The following GRM1 variants were observed in gnomAD, a reference collection of about 807,000 sequenced individuals.
The protein encoded by GRM1 is glutamate metabotropic receptor 1, also known as metabotropic glutamate receptor 1.
Under a neutral mutation model 90.9 loss-of-function variants are expected in GRM1, and 33 were observed. The observed-to-expected ratio is 0.36, with a 90% CI of 0.28 to 0.49. GRM1 has a LOEUF of 0.49. GRM1 is among the 20% of genes least tolerant of loss of function. GRM1 has a pLI of 0.99. For synonymous variants in GRM1, 700 were observed against 613.2 expected (o/e 1.14, Z -2.09); for missense variants, 1,190 against 1,534.3 (o/e 0.78, Z 3.75).
intron 1 of GRM1, among the ~76,000 whole-genome samples, chr6:146,095,344 T>C (rs1776842581): frequency 6.6e-6 from 1 of 152,118 alleles, no homozygotes; most frequent in African/African-American, 2.4e-5. Context: ...AACCAACATA[T>C]CTGTGCTCAT....
At chr6:146,430,615 T>C (rs1029991044) in intron 7 of GRM1, among the ~76,000 whole-genome samples, 3 of 152,236 alleles carry the variant, frequency 2.0e-5, no homozygotes, top group Non-Finnish European at 4.4e-5. Flanking sequence ...ATAAATGTCA[T>C]ATTGCAGGAT....
chr6:146,362,443 G>A (rs1055110533), intron 5 of GRM1, among the ~76,000 whole-genome samples: 3 of 152,074 alleles, frequency 2.0e-5, no homozygotes, highest in Non-Finnish European at 2.9e-5. Flanking sequence ...ACTTGGGGAG[G>A]CTGAGACAGG....
At chr6:146,341,713 T>C (rs1323383201) in intron 3 of GRM1, among the ~76,000 whole-genome samples, 3 of 152,212 alleles carry the variant, frequency 2.0e-5, no homozygotes, top group Non-Finnish European at 4.4e-5. Context: ...ACTCCGTATG[T>C]TCCTCAATCA....
Position 146,170,260 on chromosome 6 carries a change from A to T in GRM1, c.950+10663A>T, listed in dbSNP as rs113494413. ...GCTGAGCCTTAATCTTCTTGTGTTT[A>T]TCTTACTTAGAGTTCATTCTTGCAT... On this transcript the variant is annotated intron_variant, in intron 2 of 7. Transcript: ENST00000282753. Among the ~76,000 whole-genome samples, 1,478 of 152,152 alleles carry T rather than the reference A, an allele frequency of 9.7e-3. 14 individuals are homozygous for T. Among genetic ancestry groups the T allele is most frequent in the African/African-American group, 0.034 (1,423 of 41,518 alleles).
At chr6:146,077,810 G>A (rs968714934) in intron 1 of GRM1, among the ~76,000 whole-genome samples, 8 of 152,122 alleles carry the variant, frequency 5.3e-5, no homozygotes, top group Non-Finnish European at 1.0e-4. Flanking sequence ...TGGGCATAGA[G>A]GTAATTCTCT....
At chr6:146,298,841 C>G (rs747688780) in intron 2 of GRM1, among the ~76,000 whole-genome samples, 3 of 152,170 alleles carry the variant, frequency 2.0e-5, no homozygotes, top group Non-Finnish European at 2.9e-5. Flanking sequence ...AAAATGTCAT[C>G]TTCACTTCCT....
In GRM1 at chr6:146,436,842, T is replaced by C. The variant is rs1778609039; in HGVS notation, c.*2046T>C. 1 of 152,666 alleles carries C rather than the reference T, an allele frequency of 6.6e-6. No individual in the cohort carries two copies. Among genetic ancestry groups the C allele is most frequent in the Non-Finnish European group, 1.5e-5 (1 of 68,032 alleles). The allele number at this position is 152,666 out of a possible 1,614,324, so 9.5% of individuals were successfully genotyped here. On this transcript the variant is annotated 3_prime_UTR_variant, in exon 8 of 8. Transcript: ENST00000282753. ...GCTGATTTCTCAGCCAAAAATCATC[T>C]TAGAATCTTTAAATATCCATTGCAT...
intron 2 of GRM1, among the ~76,000 whole-genome samples, chr6:146,301,489 A>C (rs4896867): frequency 0.037 from 5,648 of 152,314 alleles, 130 homozygotes; most frequent in Admixed American, 0.052. Context: ...GCACATGAAC[A>C]TCACAGCAAG....
At chr6:146,209,218 A>G (rs757200983) in intron 2 of GRM1, among the ~76,000 whole-genome samples, 1 of 152,144 alleles carries the variant, frequency 6.6e-6, no homozygotes, top group Non-Finnish European at 1.5e-5. Flanking sequence ...TGTTGCAGGT[A>G]ACAGATATTT....
At chr6:146,297,298 C>T (rs1461124698) in intron 2 of GRM1, among the ~76,000 whole-genome samples, 4 of 151,880 alleles carry the variant, frequency 2.6e-5, no homozygotes, top group Admixed American at 6.6e-5. Flanking sequence ...GTAGATGGGA[C>T]TACAGGCGCG....
At chr6:146,322,208 G>C (rs1025545759) in intron 3 of GRM1, among the ~76,000 whole-genome samples, 3 of 152,196 alleles carry the variant, frequency 2.0e-5, no homozygotes, top group Non-Finnish European at 2.9e-5. Context: ...GACCCTGTTT[G>C]CCTGGGTATT....
rs920635712 is a variant in GRM1, at chr6:146,378,671, A to G, written c.1603-8219A>G. Among the ~76,000 whole-genome samples, 3 of 152,160 alleles carry G rather than the reference A, an allele frequency of 2.0e-5. No individual in the cohort carries two copies. In the East Asian group the frequency reaches 5.8e-4, roughly 29 times the overall value. On this transcript the variant is annotated intron_variant, in intron 5 of 7. Transcript: ENST00000282753. Reference sequence around the variant, plus strand: ...TGCTTTTGATTTTACAGGCTTATAGATGCAAGAGACTTGCCTTGTCTCAGA... The same window carrying G: ...TGCTTTTGATTTTACAGGCTTATAGGTGCAAGAGACTTGCCTTGTCTCAGA...
chr6:146,360,605 T>C (rs182041000), intron 5 of GRM1, among the ~76,000 whole-genome samples: 1 of 152,248 alleles, frequency 6.6e-6, no homozygotes, highest in East Asian at 1.9e-4. Context: ...CTACTACCTC[T>C]GAGCTATCCC....
chr6:146,382,421 A>C (rs1039979547), intron 5 of GRM1, among the ~76,000 whole-genome samples: 13 of 152,064 alleles, frequency 8.5e-5, no homozygotes, highest in African/African-American at 3.1e-4. Context: ...ATAAAATATC[A>C]ACTATATTTT....
chr6:146,057,301 A>G (rs188789743), intron 1 of GRM1, among the ~76,000 whole-genome samples: 1 of 152,226 alleles, frequency 6.6e-6, no homozygotes, highest in East Asian at 1.9e-4. Context: ...CAAATACGAT[A>G]AATGCCTCTA....
At chr6:146,280,140 C>A (rs1782514611) in intron 2 of GRM1, among the ~76,000 whole-genome samples, 1 of 151,808 alleles carries the variant, frequency 6.6e-6, no homozygotes, top group Non-Finnish European at 1.5e-5. Flanking sequence ...TTTCTGCCAC[C>A]CTGAACTATG....
At chr6:146,239,547 GA>G (rs901965779) in intron 2 of GRM1, among the ~76,000 whole-genome samples, 2 of 151,612 alleles carry the variant, frequency 1.3e-5, no homozygotes, top group African/African-American at 2.4e-5. Context: ...ACGGATGCAT[GA>G]AAAAAAATGA....
At chr6:146,410,046 C>A (rs1340255621) in intron 7 of GRM1, among the ~76,000 whole-genome samples, 21 of 152,142 alleles carry the variant, frequency 1.4e-4, no homozygotes, top group Admixed American at 1.3e-3. Context: ...TCCACTTGAT[C>A]AAACTTCATA....
chr6:146,323,831 C>G, intron 3 of GRM1, among the ~76,000 whole-genome samples: 1 of 152,166 alleles, frequency 6.6e-6, no homozygotes, highest in Non-Finnish European at 1.5e-5. Context: ...TTTCCCAGCA[C>G]CATTTGTTAA....
Sources: gnomAD v4.1 joint callset for allele counts (sites outside exome capture counted in the v4.1 genomes callset) on GRCh38, gnomAD v4.1.1 for gene constraint, MANE v1.5 for transcripts, NCBI Gene and HGNC (gene_info 2026-07-23, HGNC 2026-07-21) for gene names.